PPARD: variants seen among roughly 807,000 people sequenced by gnomAD.
PPARD encodes peroxisome proliferator activated receptor delta.
PPARD carries 6 observed loss-of-function variants against 39.5 expected under a neutral mutation model. That is an observed-to-expected ratio of 0.15 (90% CI 0.08 to 0.30). The LOEUF (loss-of-function observed/expected upper bound fraction) is 0.30, where lower values mean the gene tolerates loss of function less well. Among genes scored for constraint, PPARD ranks in the 10% least tolerant of loss-of-function variants. The probability of loss-of-function intolerance (pLI) is 1.00; values close to 1 mark genes in which losing one functional copy is unlikely to be tolerated. For missense variants in PPARD, 397 were observed against 596.8 expected (o/e 0.67, Z 3.49); for synonymous variants, 210 against 231.3 (o/e 0.91, Z 0.83).
At chr6:35,380,817 C>T (rs1311663548) in intron 2 of PPARD, among the ~76,000 whole-genome samples, 2 of 152,096 alleles carry the variant, frequency 1.3e-5, no homozygotes, top group African/African-American at 4.8e-5. Flanking sequence ...GTAAAACAGG[C>T]ATGGTAACAC....
At chr6:35,368,553 A>G (rs1762322440) in intron 2 of PPARD, among the ~76,000 whole-genome samples, 1 of 152,160 alleles carries the variant, frequency 6.6e-6, no homozygotes, top group African/African-American at 2.4e-5. Flanking sequence ...AAAGCTCCCC[A>G]TTGATTTGGG....
In PPARD at chr6:35,387,681, T is replaced by TCTTTCCATATCAGCATA. The variant is rs577071090; in HGVS notation, c.-101-23305_-101-23289dup. Among the ~76,000 whole-genome samples the TCTTTCCATATCAGCATA allele has an allele frequency of 1.6e-3, 244 of 151,414 alleles. 7 individuals are homozygous for TCTTTCCATATCAGCATA. The South Asian group carries it at 0.049, about 31-fold the overall frequency. ...TTTTTGATTGAGTGTATCTTGGGAA[T>TCTTTCCATATCAGCATA]CTTTCCATATCAGCATATACAGATA... On this transcript the variant is annotated intron_variant, in intron 2 of 7. Transcript: ENST00000360694.
At chr6:35,343,327 C>G (rs1791969254) in intron 1 of PPARD, among the ~76,000 whole-genome samples, 1 of 152,120 alleles carries the variant, frequency 6.6e-6, no homozygotes. Flanking sequence ...GCCTGCAGTC[C>G]CTGTCTCCCT....
intron 2 of PPARD, among the ~76,000 whole-genome samples, chr6:35,352,396 G>A (rs1406649759): frequency 6.6e-6 from 1 of 152,008 alleles, no homozygotes; most frequent in African/African-American, 2.4e-5. Context: ...ATATTGGTCA[G>A]GCCGGTCTCG....
At chr6:35,423,527 T>C (rs1766344389) in intron 5 of PPARD, among the ~76,000 whole-genome samples, 1 of 149,538 alleles carries the variant, frequency 6.7e-6, no homozygotes, top group East Asian at 2.0e-4. Context: ...AGCGAGACTC[T>C]GTCTCAAAAA....
intron 1 of PPARD, among the ~76,000 whole-genome samples, chr6:35,345,711 T>C (rs922605409): frequency 6.6e-6 from 1 of 152,080 alleles, no homozygotes. Flanking sequence ...GGTAAGAGGA[T>C]AGACAGTGTA....
intron 2 of PPARD, among the ~76,000 whole-genome samples, chr6:35,389,775 G>A (rs1369654527): frequency 2.6e-5 from 4 of 152,174 alleles, no homozygotes; most frequent in South Asian, 4.1e-4. Context: ...GAAGTAAAAT[G>A]CAATAGCAAG....
intron 3 of PPARD, among the ~76,000 whole-genome samples, chr6:35,411,583 C>A (rs1359446062): frequency 6.6e-6 from 1 of 152,200 alleles, no homozygotes; most frequent in Non-Finnish European, 1.5e-5. Flanking sequence ...TAACAGCACA[C>A]TAGAAAGATC....
chr6:35,395,120 T>A (rs1050123064), intron 2 of PPARD, among the ~76,000 whole-genome samples: 26 of 152,318 alleles, frequency 1.7e-4, no homozygotes, highest in African/African-American at 6.0e-4. Flanking sequence ...GCATTGGATT[T>A]CAGATGCATT....
chr6:35,391,553 T>C, intron 2 of PPARD, among the ~76,000 whole-genome samples: 1 of 152,182 alleles, frequency 6.6e-6, no homozygotes, highest in East Asian at 1.9e-4. Context: ...TAAGTTGGCA[T>C]CTGTGAAGGC....
At chr6:35,400,529 G>A (rs1764636228) in intron 2 of PPARD, among the ~76,000 whole-genome samples, 1 of 152,192 alleles carries the variant, frequency 6.6e-6, no homozygotes, top group Admixed American at 6.5e-5. Flanking sequence ...GCTGGGCATG[G>A]TGGCTCACAC....
chr6:35,424,926 G>A lies in PPARD; in HGVS notation c.1078+147G>A. ...CAGTGGAACATGCAAGGCACTGACT[G>A]AGCATGCAGGATCAGCTCCATCTCA... On this transcript the variant is annotated intron_variant, in intron 7 of 7. Transcript: ENST00000360694. The surrounding 1 kb of genome is among the most constrained non-coding windows in gnomAD (Gnocchi z 7.1). 6.9e-7 allele frequency: 1 copy of A among 1,445,630 alleles called. No homozygotes were observed. Among genetic ancestry groups the A allele is most frequent in the Non-Finnish European group, 9.1e-7 (1 of 1,103,980 alleles). The allele number at this position is 1,445,630 out of a possible 1,614,324, so 89.6% of individuals were successfully genotyped here. A position where few individuals can be genotyped will look rare whatever the true frequency, so the allele number is the denominator to read the frequency against.
At chr6:35,375,309 C>T (rs1762752300) in intron 2 of PPARD, among the ~76,000 whole-genome samples, 1 of 150,336 alleles carries the variant, frequency 6.7e-6, no homozygotes, top group Non-Finnish European at 1.5e-5. Flanking sequence ...CCTCTGCCTC[C>T]CAGGTTCAAG....
Position 35,425,260 on chromosome 6 carries a change from T to C in PPARD, c.1078+481T>C. On this transcript the variant is annotated intron_variant, in intron 7 of 7. Transcript: ENST00000360694. This position sits in a 1 kb window ranked among gnomAD's most constrained non-coding sequence, Gnocchi z 4.5. ...CTGCACTCCAGCCTGGGTGACAGAG[T>C]GAGACCCTGTCTCAAAAAAAAGGAA... is the stretch of plus-strand genomic sequence containing the variant. 1 of 1,001,640 alleles carries C rather than the reference T, an allele frequency of 1.0e-6. No individual in the cohort carries two copies. Among genetic ancestry groups the C allele is most frequent in the East Asian group, 9.6e-5 (1 of 10,392 alleles). 62.0% of individuals were successfully genotyped at this position (1,001,640 alleles called of 1,614,324 possible).
At chr6:35,387,130 G>T (rs1763715815) in intron 2 of PPARD, among the ~76,000 whole-genome samples, 2 of 152,138 alleles carry the variant, frequency 1.3e-5, no homozygotes, top group South Asian at 4.1e-4. Context: ...TGAGCTCTCA[G>T]GTTTTGGCTA....
chr6:35,359,781 C>A (rs1761832937), intron 2 of PPARD, among the ~76,000 whole-genome samples: 1 of 152,156 alleles, frequency 6.6e-6, no homozygotes, highest in Non-Finnish European at 1.5e-5. Context: ...CACACAACAA[C>A]CCTGAGAGGT....
In PPARD at chr6:35,347,088, T is replaced by C; in HGVS notation, c.-164T>C. On this transcript the variant is annotated 5_prime_UTR_variant, in exon 2 of 8. It removes an upstream start codon present in the reference 5' UTR. Coordinates refer to ENST00000360694, the MANE Select transcript of PPARD (RefSeq NM_006238.5). The stretch of plus-strand genomic sequence containing the variant: ...GCAGTGTTGTACAGTGTTTTGGGCA[T>C]GCACGTGATACTCACACAGTGGCTT... The C allele has an allele frequency of 6.5e-7, 1 of 1,535,894 alleles. No homozygotes were observed. Among genetic ancestry groups the C allele is most frequent in the East Asian group, 2.4e-5 (1 of 40,904 alleles).
At chr6:35,389,459 C>T (rs971224859) in intron 2 of PPARD, among the ~76,000 whole-genome samples, 15 of 152,078 alleles carry the variant, frequency 9.9e-5, no homozygotes, top group South Asian at 2.1e-4. Flanking sequence ...CTACAGGCGC[C>T]TGCCACCATG....
In PPARD at chr6:35,411,121, C is replaced by T. The variant is rs200600159; in HGVS notation, c.34C>T (p.Arg12Trp). Residue 12 changes from arginine (R) to tryptophan (W), a missense_variant, in exon 3 of 8, where the codon CGG (arginine) becomes TGG (tryptophan). Transcript: ENST00000360694. ...GCCACAGGAGGAAGCCCCTGAGGTCCGGGAAGAGGAGGAGAAAGAGGAAGT... is the reference window on the plus strand; with the variant it reads ...GCCACAGGAGGAAGCCCCTGAGGTCTGGGAAGAGGAGGAGAAAGAGGAAGT... ...EQPQEEAPEVREEEEKEEVAE... is the reference protein window; with the variant it reads ...EQPQEEAPEVWEEEEKEEVAE... 115 of 1,579,356 alleles carry T rather than the reference C, an allele frequency of 7.3e-5. No homozygotes were observed. The highest frequency in any genetic ancestry group is 9.0e-5 in the Non-Finnish European group (105 of 1,161,530).
Sources: gnomAD v4.1 joint callset for allele counts (sites outside exome capture counted in the v4.1 genomes callset) on GRCh38, gnomAD v4.1.1 for gene constraint, Gnocchi (gnomAD v3.1) non-coding constraint, MANE v1.5 for transcripts, NCBI Gene and HGNC (gene_info 2026-07-23, HGNC 2026-07-21) for gene names.